The following TENM3 variants were observed in gnomAD, a reference collection of about 807,000 sequenced individuals.
TENM3 encodes the protein teneurin transmembrane protein 3.
Under a neutral mutation model 255.1 loss-of-function variants are expected in TENM3, and 63 were observed. The observed-to-expected ratio is 0.25, with a 90% confidence interval of 0.20 to 0.30. The LOEUF is 0.30. Among genes scored for constraint, TENM3 ranks in the 10% least tolerant of loss-of-function variants. The pLI is 1.00. For missense variants in TENM3, 2,929 were observed against 3,461.1 expected (o/e 0.85, Z 3.86); for synonymous variants, 1,306 against 1,322.3 (o/e 0.99, Z 0.27).
chr4:181,822,247 T>C, the TENM3 span, among the ~76,000 whole-genome samples: 2 of 152,188 alleles, frequency 1.3e-5, no homozygotes, highest in African/African-American at 4.8e-5. Flanking sequence ...AGCAGATAAA[T>C]GAACAGAGAT....
the TENM3 span, among the ~76,000 whole-genome samples, chr4:181,773,080 A>G: frequency 6.6e-6 from 1 of 152,184 alleles, no homozygotes; most frequent in Admixed American, 6.5e-5. Flanking sequence ...CACAGAAAAC[A>G]TCTGCTCACC....
chr4:182,538,517 T>C (rs1184082075), intron 3 of TENM3, among the ~76,000 whole-genome samples: 1 of 152,166 alleles, frequency 6.6e-6, no homozygotes, highest in African/African-American at 2.4e-5. Flanking sequence ...TGGAAGTAGA[T>C]GATTGTTGCT....
chr4:182,687,886 T>G (rs1440654671), intron 11 of TENM3, among the ~76,000 whole-genome samples: 1 of 152,196 alleles, frequency 6.6e-6, no homozygotes, highest in Non-Finnish European at 1.5e-5. Flanking sequence ...GTATTGTATA[T>G]GTAAAGAAAT....
chr4:182,627,337 G>A (rs1395216114), intron 4 of TENM3, among the ~76,000 whole-genome samples: 5 of 151,964 alleles, frequency 3.3e-5, no homozygotes, highest in African/African-American at 9.7e-5. Flanking sequence ...TCAGTAACTC[G>A]CCAGGGACAC....
chr4:182,776,338 C>T (rs1174833081), intron 24 of TENM3, among the ~76,000 whole-genome samples: 2 of 152,086 alleles, frequency 1.3e-5, no homozygotes, highest in African/African-American at 2.4e-5. Context: ...CTTGAACACT[C>T]GAGGCGGAGG....
At chr4:182,455,933 C>G (rs554655073) in intron 3 of TENM3, among the ~76,000 whole-genome samples, 1 of 152,164 alleles carries the variant, frequency 6.6e-6, no homozygotes, top group Middle Eastern at 3.2e-3. Flanking sequence ...TCTGTGAGCA[C>G]TTAACACATT....
At chr4:181,559,668 A>G in the TENM3 span, among the ~76,000 whole-genome samples, 2 of 152,234 alleles carry the variant, frequency 1.3e-5, no homozygotes, top group Non-Finnish European at 2.9e-5. Context: ...AATATATTTA[A>G]CATTATGACT....
At chr4:182,454,211 T>A (rs1435687592) in intron 3 of TENM3, among the ~76,000 whole-genome samples, 2 of 152,188 alleles carry the variant, frequency 1.3e-5, no homozygotes, top group Non-Finnish European at 2.9e-5. Context: ...CCCCTGCTTG[T>A]TTTATCATTT....
intron 3 of TENM3, among the ~76,000 whole-genome samples, chr4:182,535,108 G>C (rs1050463706): frequency 6.6e-6 from 1 of 152,170 alleles, no homozygotes; most frequent in African/African-American, 2.4e-5. Flanking sequence ...TGGAAAGGTA[G>C]CGTGGATTAT....
chr4:181,451,791 C>A, the TENM3 span, among the ~76,000 whole-genome samples: 1 of 152,128 alleles, frequency 6.6e-6, no homozygotes, highest in Non-Finnish European at 1.5e-5. Flanking sequence ...GAAAAAAGTT[C>A]TGTTTGTAGT....
the TENM3 span, among the ~76,000 whole-genome samples, chr4:181,858,975 C>T: frequency 2.1e-4 from 32 of 152,016 alleles, no homozygotes; most frequent in Non-Finnish European, 3.4e-4. Flanking sequence ...CAGCTGTGTG[C>T]CAGACAGGCA....
At chr4:182,605,575 C>T (rs534069680) in intron 4 of TENM3, among the ~76,000 whole-genome samples, 55 of 151,288 alleles carry the variant, frequency 3.6e-4, no homozygotes, top group African/African-American at 1.2e-3. Flanking sequence ...TAAAATATGG[C>T]ACCTTTTATA....
At chr4:181,744,187 G>A in the TENM3 span, among the ~76,000 whole-genome samples, 1 of 152,156 alleles carries the variant, frequency 6.6e-6, no homozygotes. Flanking sequence ...GTATTCCATG[G>A]TGTATATGTA....
At chr4:181,747,430 G>C in the TENM3 span, among the ~76,000 whole-genome samples, 1 of 151,962 alleles carries the variant, frequency 6.6e-6, no homozygotes, top group Non-Finnish European at 1.5e-5. Flanking sequence ...AGTACGCTTT[G>C]TCCTGTCTTC....
At chr4:182,338,559 T>C (rs1219920920) in intron 2 of TENM3, among the ~76,000 whole-genome samples, 1 of 152,198 alleles carries the variant, frequency 6.6e-6, no homozygotes, top group Non-Finnish European at 1.5e-5. Flanking sequence ...ATATTGTATG[T>C]TCTGGCTAGG....
At chr4:182,418,238 C>G (rs1770533640) in intron 3 of TENM3, among the ~76,000 whole-genome samples, 1 of 152,152 alleles carries the variant, frequency 6.6e-6, no homozygotes, top group Non-Finnish European at 1.5e-5. Flanking sequence ...CTAGAGAGAG[C>G]TAAGCAGTTT....
At chr4:182,671,966 T>A (rs1755255624) in intron 6 of TENM3, among the ~76,000 whole-genome samples, 1 of 152,216 alleles carries the variant, frequency 6.6e-6, no homozygotes, top group Non-Finnish European at 1.5e-5. Flanking sequence ...TCCTCACTCC[T>A]CACCCTCTTG....
intron 3 of TENM3, among the ~76,000 whole-genome samples, chr4:182,583,612 T>C (rs1417114774): frequency 1.3e-5 from 2 of 152,142 alleles, no homozygotes; most frequent in African/African-American, 2.4e-5. Context: ...CTAATTTTTA[T>C]ATAAGTAAGA....
At chr4:181,710,446 G>A in the TENM3 span, among the ~76,000 whole-genome samples, 8 of 152,052 alleles carry the variant, frequency 5.3e-5, no homozygotes, top group Non-Finnish European at 7.4e-5. Context: ...GGCTGGGCAC[G>A]GTGGCTCACA....
Sources: gnomAD v4.1 joint callset for allele counts (sites outside exome capture counted in the v4.1 genomes callset) on GRCh38, gnomAD v4.1.1 for gene constraint, MANE v1.5 for transcripts, NCBI Gene and HGNC (gene_info 2026-07-23, HGNC 2026-07-21) for gene names.